Variants in AHCYL2 observed in about 807,000 individuals in gnomAD.
The protein encoded by AHCYL2 is S-adenosylhomocysteine hydrolase-like protein 2.
Under a neutral mutation model 81.4 loss-of-function variants are expected in AHCYL2, and 28 were observed. That is an observed-to-expected ratio of 0.34 (90% confidence interval 0.25 to 0.47). The LOEUF (loss-of-function observed/expected upper bound fraction) is 0.47, where lower values mean the gene tolerates loss of function less well. Among genes scored for constraint, AHCYL2 ranks in the 20% least tolerant of loss-of-function variants. The pLI, the probability that AHCYL2 is intolerant of heterozygous loss-of-function variation, is 1.00. For synonymous variants in AHCYL2, 272 were observed against 290.2 expected, an observed-to-expected ratio of 0.94 and a Z score of 0.64; for missense variants, 551 against 785.1, an observed-to-expected ratio of 0.70 and a Z score of 3.56.
At chr7:129,391,548 C>T (rs934460592) in intron 4 of AHCYL2, among the ~76,000 whole-genome samples, 2 of 152,152 alleles carry the variant, frequency 1.3e-5, no homozygotes, top group African/African-American at 2.4e-5. Context: ...AAAATGCCCC[C>T]ACAATTTTCT....
chr7:129,332,669 T>G (rs1798460992), intron 1 of AHCYL2, among the ~76,000 whole-genome samples: 1 of 152,142 alleles, frequency 6.6e-6, no homozygotes, highest in Non-Finnish European at 1.5e-5. Flanking sequence ...TTATTAAGAG[T>G]CTTTTAACCT....
intron 1 of AHCYL2, among the ~76,000 whole-genome samples, chr7:129,358,686 A>G (rs928501376): frequency 2.0e-5 from 3 of 152,234 alleles, no homozygotes; most frequent in Non-Finnish European, 2.9e-5. Context: ...TGGTTGCACA[A>G]TGTGAATGTA....
rs755072468 is a variant in AHCYL2 at position 129,382,493 on chromosome 7, C to T, written c.475+2744C>T. 7.3e-5 allele frequency among the ~76,000 whole-genome samples: 11 copies of T among 151,596 alleles called. No individual in the cohort carries two copies. In the South Asian group the frequency reaches 8.4e-4, roughly 12 times the overall value. ...CGCATGCCTGTAATCCCAGCTACTC[C>T]GGAGTCTGAGGCATGAGAATCGCTT... On this transcript the variant is annotated intron_variant, in intron 2 of 16. Transcript: ENST00000325006.
chr7:129,339,444 C>G (rs1793083959), intron 1 of AHCYL2, among the ~76,000 whole-genome samples: 1 of 152,156 alleles, frequency 6.6e-6, no homozygotes, highest in Non-Finnish European at 1.5e-5. Flanking sequence ...TAGAAGAAGA[C>G]TGGTAACTAT....
At chr7:129,366,637 G>A (rs1006005470) in intron 1 of AHCYL2, among the ~76,000 whole-genome samples, 3 of 152,190 alleles carry the variant, frequency 2.0e-5, no homozygotes, top group African/African-American at 4.8e-5. Flanking sequence ...TTAGCCGGGC[G>A]TGGTGGTGCA....
At chr7:129,237,861 G>T (rs753145643) in intron 1 of AHCYL2, among the ~76,000 whole-genome samples, 11 of 151,982 alleles carry the variant, frequency 7.2e-5, no homozygotes, top group Non-Finnish European at 1.3e-4. Flanking sequence ...GGGATTACAG[G>T]TGCCCACCAC....
chr7:129,354,441 T>C (rs965033972), intron 1 of AHCYL2, among the ~76,000 whole-genome samples: 1 of 152,170 alleles, frequency 6.6e-6, no homozygotes, highest in Non-Finnish European at 1.5e-5. Flanking sequence ...TTATGACAGC[T>C]GGTATGGAGA....
intron 1 of AHCYL2, among the ~76,000 whole-genome samples, chr7:129,282,746 A>T (rs1328549637): frequency 6.6e-6 from 1 of 151,816 alleles, no homozygotes; most frequent in Non-Finnish European, 1.5e-5. Context: ...AAACATTGTG[A>T]ATTTTACCTG....
chr7:129,336,753 G>A (rs557522192), intron 1 of AHCYL2, among the ~76,000 whole-genome samples: 2 of 152,016 alleles, frequency 1.3e-5, no homozygotes, highest in African/African-American at 4.8e-5. Flanking sequence ...TTAATAAAAC[G>A]TAATTTTTTT....
At chr7:129,260,142 G>A (rs896126096) in intron 1 of AHCYL2, among the ~76,000 whole-genome samples, 2 of 149,182 alleles carry the variant, frequency 1.3e-5, no homozygotes, top group Non-Finnish European at 3.0e-5. Context: ...CCTTAGTTAT[G>A]CCTGCTTAGC....
At chr7:129,249,784 GTC>G (rs1422055607) in intron 1 of AHCYL2, among the ~76,000 whole-genome samples, 11 of 152,044 alleles carry the variant, frequency 7.2e-5, no homozygotes, top group African/African-American at 2.7e-4. Flanking sequence ...TCTATTTTCT[GTC>G]TCTATGAATT....
intron 1 of AHCYL2, among the ~76,000 whole-genome samples, chr7:129,323,682 T>C (rs1798115922): frequency 6.6e-6 from 1 of 152,224 alleles, no homozygotes; most frequent in East Asian, 1.9e-4. Flanking sequence ...TGTAGGTTTG[T>C]CTATTCCTTT....
At position 129,406,768 on chromosome 7, in the gene AHCYL2, T is replaced by C. The variant is rs1370570820; in HGVS notation, c.1295+302T>C. ...TTTCAAATAATGATCAGAAAAGAAATTGGCAGGCATCAGATGCCTTCTGAT... is the reference window on the plus strand; with the variant it reads ...TTTCAAATAATGATCAGAAAAGAAACTGGCAGGCATCAGATGCCTTCTGAT... On this transcript the variant is annotated intron_variant, in intron 10 of 16. Coordinates refer to ENST00000325006, the MANE Select transcript of AHCYL2 (RefSeq NM_015328.4). The surrounding 1 kb of genome is among the most constrained non-coding windows in gnomAD (Gnocchi z 4.3). Among the ~76,000 whole-genome samples, 1 of 152,110 alleles carries C rather than the reference T, an allele frequency of 6.6e-6. No homozygotes were observed. Among genetic ancestry groups the C allele is most frequent in the Non-Finnish European group, 1.5e-5 (1 of 68,024 alleles).
At chr7:129,264,755 C>T (rs950939194) in intron 1 of AHCYL2, among the ~76,000 whole-genome samples, 8 of 152,164 alleles carry the variant, frequency 5.3e-5, no homozygotes, top group Admixed American at 1.3e-4. Flanking sequence ...GGGCCACCCA[C>T]GTGGATTGTT....
At position 129,373,225 on chromosome 7, in the gene AHCYL2, C is replaced by G. The variant is rs1309901935; in HGVS notation, c.364-6413C>G. 2.0e-5 allele frequency among the ~76,000 whole-genome samples: 3 copies of G among 152,018 alleles called. No individual in the cohort carries two copies. In the East Asian group the frequency reaches 5.8e-4, roughly 29 times the overall value. ...AGCTCTCCAGGTGATTTTGATGCAG[C>G]TAAAATTTGAAAGTTACTGTGTTCT... On this transcript the variant is annotated intron_variant, in intron 1 of 16. Transcript: ENST00000325006.
intron 1 of AHCYL2, among the ~76,000 whole-genome samples, chr7:129,334,705 T>TGG (rs1435894285): frequency 2.0e-5 from 3 of 152,168 alleles, no homozygotes; most frequent in African/African-American, 7.2e-5. Context: ...AATTTCTTCC[T>TGG]GCTCAGTAGG....
chr7:129,256,531 T>TC (rs1372558756), intron 1 of AHCYL2, among the ~76,000 whole-genome samples: 50 of 43,494 alleles, frequency 1.1e-3, no homozygotes, highest in South Asian at 2.6e-3. Context: ...ACATCTTGCT[T>TC]CCCGCCCCCC....
chr7:129,422,931 T>C lies in AHCYL2; in HGVS notation c.1553T>C (p.Leu518Pro). The change falls in exon 13 of 17, where the codon CTG (leucine) becomes CCG (proline). Residue 518 changes from leucine (L) to proline (P), a missense_variant. Physicochemically the swap from Leu to Pro is moderately conservative, Grantham distance 98. This residue lies in a region of AHCYL2 where 316 missense variants were observed against 543.1 expected (regional missense o/e 0.58). Coordinates refer to ENST00000325006, the MANE Select transcript of AHCYL2 (RefSeq NM_015328.4). ...CCTGATGGCAAGAGGATAGTACTGCTGGCAGAGGTAAGGCTGAGACTGGCA... is the reference window on the plus strand; with the variant it reads ...CCTGATGGCAAGAGGATAGTACTGCCGGCAGAGGTAAGGCTGAGACTGGCA... The part of the protein sequence containing the change: ...IWPDGKRIVL[L>P]AEGRLLNLSC... The C allele has an allele frequency of 1.2e-5, 20 of 1,614,086 alleles. No homozygotes were observed. The highest frequency in any genetic ancestry group is 1.7e-5 in the Non-Finnish European group (20 of 1,179,976).
At chr7:129,271,746 TAATA>T (rs1424825862) in intron 1 of AHCYL2, among the ~76,000 whole-genome samples, 1 of 152,230 alleles carries the variant, frequency 6.6e-6, no homozygotes, top group Admixed American at 6.5e-5. Context: ...AAGGAAAATG[TAATA>T]AATGTCATAG....
Sources: allele counts gnomAD v4.1 joint callset (sites outside exome capture counted in the v4.1 genomes callset), GRCh38; gene constraint gnomAD v4.1.1; regional missense constraint gnomAD v4.1.1; non-coding constraint Gnocchi (gnomAD v3.1); transcripts MANE v1.5; gene names NCBI Gene and HGNC (gene_info 2026-07-23, HGNC 2026-07-21).